The following CACNB3 variants were observed in gnomAD, a reference collection of about 807,000 sequenced individuals.
The protein encoded by CACNB3 is calcium voltage-gated channel auxiliary subunit beta 3.
In CACNB3, 36 loss-of-function variants were observed where a neutral mutation model predicts 63.7. That is an observed-to-expected ratio of 0.57 (90% CI 0.43 to 0.75). The LOEUF (loss-of-function observed/expected upper bound fraction) is 0.75, where lower values mean the gene tolerates loss of function less well. CACNB3 is among the 30% of genes least tolerant of loss of function. The pLI is 0.00. For synonymous variants in CACNB3, 241 were observed against 250.6 expected (o/e 0.96, Z 0.36); for missense variants, 493 against 648.6 (o/e 0.76, Z 2.61).
Position 48,823,889 on chromosome 12 carries a change from A to C in CACNB3, c.291+86A>C. ...CCTAATGCTTCTGACTTGAATCCTCAGTCTAATTCCCCAAGCTAATCAGCT... is the reference window on the plus strand; with the variant it reads ...CCTAATGCTTCTGACTTGAATCCTCCGTCTAATTCCCCAAGCTAATCAGCT... On this transcript the variant is annotated intron_variant, in intron 3 of 12. Coordinates refer to ENST00000301050, the MANE Select transcript of CACNB3 (RefSeq NM_000725.4). This position sits in a 1 kb window ranked among gnomAD's most constrained non-coding sequence, Gnocchi z 4.2. 6.4e-7 allele frequency: 1 copy of C among 1,552,782 alleles called. No homozygotes were observed. Among genetic ancestry groups the C allele is most frequent in the Non-Finnish European group, 8.8e-7 (1 of 1,135,400 alleles).
upstream of CACNB3, chr12:48,814,654 T>G: frequency 1.6e-6 from 2 of 1,227,934 alleles, no homozygotes; most frequent in South Asian, 1.5e-5. This position sits in a 1 kb window ranked among gnomAD's most constrained non-coding sequence, Gnocchi z 6.9. Context: ...ACTGGGGGTC[T>G]CGAGCTGGGA....
chr12:48,825,547 C>A lies in CACNB3; in HGVS notation c.632+55C>A. 6.3e-7 allele frequency: 1 copy of A among 1,597,272 alleles called. No homozygotes were observed. The highest frequency in any genetic ancestry group is 8.6e-7 in the Non-Finnish European group (1 of 1,164,716). On this transcript the variant is annotated intron_variant, in intron 8 of 12. Transcript: ENST00000301050. The surrounding 1 kb of genome is among the most constrained non-coding windows in gnomAD (Gnocchi z 4.5). The stretch of plus-strand genomic sequence containing the variant: ...GAACCAAGGAGAAGCTCATGGCCTA[C>A]TTCCAGATGCCTGTAGCTAGTCTTC...
Position 48,827,991 on chromosome 12 carries a change from GC to G in CACNB3, c.*93del. 1 of 1,112,342 alleles carries G rather than the reference GC, an allele frequency of 9.0e-7. No individual in the cohort carries two copies. Among genetic ancestry groups the G allele is most frequent in the Non-Finnish European group, 1.3e-6 (1 of 766,250 alleles). 68.9% of individuals were successfully genotyped at this position (1,112,342 alleles called of 1,614,324 possible). A position where few individuals can be genotyped will look rare whatever the true frequency, so the allele number is the denominator to read the frequency against. ...GTGGCGTTAGACTGGCATCAGGCTG[GC>G]ACTAGGCTCAGCCCCCAAAACCCCC... On this transcript the variant is annotated 3_prime_UTR_variant, in exon 13 of 13. Transcript: ENST00000301050.
At chr12:48,824,920 T>C in intron 5 of CACNB3, 29 bp from the exon 6 acceptor site, 1 of 1,613,226 alleles carries the variant, frequency 6.2e-7, no homozygotes. Flanking sequence ...CTTCACCAAC[T>C]TTAATCTTGT....
At chr12:48,816,206 G>A (rs1001979338), upstream of CACNB3, among the ~76,000 whole-genome samples, 2 of 152,184 alleles carry the variant, frequency 1.3e-5, no homozygotes, top group Non-Finnish European at 2.9e-5. Flanking sequence ...ACTTAGAGGA[G>A]AAGCTAGAAT....
At position 48,826,231 on chromosome 12, in the gene CACNB3, C is replaced by T; in HGVS notation, c.743-136C>T. The T allele has an allele frequency of 2.4e-6, 2 of 820,812 alleles. No homozygotes were observed. Among genetic ancestry groups the T allele is most frequent in the South Asian group, 1.7e-5 (1 of 60,216 alleles). 50.8% of individuals were successfully genotyped at this position (820,812 alleles called of 1,614,324 possible). A position where few individuals can be genotyped will look rare whatever the true frequency, so the allele number is the denominator to read the frequency against. ...CACCCCTCCTCCTCAATTCCCATTC[C>T]TCTGCCTGTCCAGGCTTCGATGAAT... On this transcript the variant is annotated intron_variant, in intron 9 of 12. Coordinates refer to ENST00000301050, the MANE Select transcript of CACNB3 (RefSeq NM_000725.4). This position sits in a 1 kb window ranked among gnomAD's most constrained non-coding sequence, Gnocchi z 4.8.
At position 48,824,680 on chromosome 12, in the gene CACNB3, AC is replaced by A; in HGVS notation, c.422del (p.Pro141LeufsTer4). ...KQEQKARRSG[N>X]PSSLSDIGNR... ...CCCTTTCTTCTCAGGAGATCTGGGA[AC>A]CCTTCCAGCCTGAGTGACATTGGCA... is the stretch of plus-strand genomic sequence containing the variant. On this transcript the variant is annotated frameshift_variant, in exon 5 of 13. Coordinates refer to ENST00000301050, the MANE Select transcript of CACNB3 (RefSeq NM_000725.4). LOFTEE classifies it high-confidence loss of function. The A allele has an allele frequency of 1.2e-6, 2 of 1,613,364 alleles. No individual in the cohort carries two copies. Among genetic ancestry groups the A allele is most frequent in the Admixed American group, 1.7e-5 (1 of 59,940 alleles).
Position 48,826,912 on chromosome 12 carries a change from G to A in CACNB3, c.990+58G>A. 6.2e-7 allele frequency: 1 copy of A among 1,613,378 alleles called. No homozygotes were observed. On this transcript the variant is annotated intron_variant, in intron 11 of 12. Transcript: ENST00000301050. The surrounding 1 kb of genome is among the most constrained non-coding windows in gnomAD (Gnocchi z 4.8). ...CTCCCCCAGGGCTGCGGCAGTGATA[G>A]AGATGGGTGGGGGGCTGCTACTGAG...
chr12:48,815,247 C>T, upstream of CACNB3: 1 of 213,790 alleles, frequency 4.7e-6, no homozygotes, highest in Non-Finnish European at 9.6e-6. Context: ...TGGAGCTCTT[C>T]CTGCCCTTCT....
Position 48,826,466 on chromosome 12 carries a change from C to T in CACNB3, c.842C>T (p.Ala281Val). Residue 281 changes from alanine to valine, a missense_variant, in exon 10 of 13, where the codon GCC becomes GTC. By Grantham distance (64) the Ala-to-Val change is moderately conservative. Coordinates refer to ENST00000301050, the MANE Select transcript of CACNB3 (RefSeq NM_000725.4). This position sits in a 1 kb window ranked among gnomAD's most constrained non-coding sequence, Gnocchi z 4.8. ...ADTINHPAQLAKTSLAPIIVF... is the reference protein window; with the variant it reads ...ADTINHPAQLVKTSLAPIIVF... ...ACCATCAACCACCCAGCACAGCTGGCCAAGACCTCGCTGGCCCCCATCATC... is the reference window on the plus strand; with the variant it reads ...ACCATCAACCACCCAGCACAGCTGGTCAAGACCTCGCTGGCCCCCATCATC... 1 of 1,614,166 alleles carries T rather than the reference C, an allele frequency of 6.2e-7. No individual in the cohort carries two copies. Among genetic ancestry groups the T allele is most frequent in the South Asian group, 1.1e-5 (1 of 91,086 alleles).
Position 48,827,118 on chromosome 12 carries a change from C to T in CACNB3, c.1135C>T (p.Leu379Phe). The change falls in exon 12 of 13, where the codon CTT (leucine) becomes TTT (phenylalanine). Residue 379 changes from leucine (L) to phenylalanine (F), a missense_variant. Physicochemically the swap from Leu to Phe is conservative, Grantham distance 22 (BLOSUM62 0). Transcript: ENST00000301050. The part of the protein sequence containing the change: ...LLGPPSAIPG[L>F]QNQQLLGERG... ...GGGTCCTCCCAGTGCCATCCCCGGACTTCAGGTAACCATTTCCAGTGGGCA... is the reference window on the plus strand; with the variant it reads ...GGGTCCTCCCAGTGCCATCCCCGGATTTCAGGTAACCATTTCCAGTGGGCA... The T allele has an allele frequency of 6.2e-7, 1 of 1,612,314 alleles. No individual in the cohort carries two copies. Among genetic ancestry groups the T allele is most frequent in the Non-Finnish European group, 8.5e-7 (1 of 1,179,990 alleles).
rs140776243 is a variant in CACNB3 at position 48,826,685 on chromosome 12, C to T, written c.895-74C>T. Reference sequence around the variant, plus strand: ...ACTGATGCCACAAGTGGAAGAAATGCCTAGCTCTGCCCGGGCTCAGCTCTG... The same window carrying T: ...ACTGATGCCACAAGTGGAAGAAATGTCTAGCTCTGCCCGGGCTCAGCTCTG... On this transcript the variant is annotated intron_variant, in intron 10 of 12. Coordinates refer to ENST00000301050, the MANE Select transcript of CACNB3 (RefSeq NM_000725.4). The surrounding 1 kb of genome is among the most constrained non-coding windows in gnomAD (Gnocchi z 4.8). The T allele has an allele frequency of 3.0e-4, 434 of 1,449,282 alleles. 2 individuals are homozygous for T. The African/African-American group carries it at 5.3e-3, about 18-fold the overall frequency. 89.8% of individuals were successfully genotyped at this position (1,449,282 alleles called of 1,614,324 possible).
Position 48,828,459 on chromosome 12 carries a change from T to A in CACNB3, c.*560T>A, listed in dbSNP as rs1050116641. On this transcript the variant is annotated 3_prime_UTR_variant, in exon 13 of 13. Coordinates refer to ENST00000301050, the MANE Select transcript of CACNB3 (RefSeq NM_000725.4). The stretch of plus-strand genomic sequence containing the variant: ...TGTTTGCTGGGGTGTGGCAGCCACA[T>A]CCAAGACTGGAGCAGCAGGCTGGCC... The A allele has an allele frequency of 2.9e-6, 1 of 348,778 alleles. No homozygotes were observed. The highest frequency in any genetic ancestry group is 2.1e-5 in the African/African-American group (1 of 46,596). The allele number at this position is 348,778 out of a possible 1,614,324, so 21.6% of individuals were successfully genotyped here. A position where few individuals can be genotyped will look rare whatever the true frequency, so the allele number is the denominator to read the frequency against.
At position 48,823,910 on chromosome 12, in the gene CACNB3, C is replaced by G. The variant is rs1592188604; in HGVS notation, c.291+107C>G. 5 of 1,427,738 alleles carry G rather than the reference C, an allele frequency of 3.5e-6. No individual in the cohort carries two copies. In the African/African-American group the frequency reaches 7.1e-5, roughly 20 times the overall value. 88.4% of individuals were successfully genotyped at this position (1,427,738 alleles called of 1,614,324 possible). ...CCTCAGTCTAATTCCCCAAGCTAAT[C>G]AGCTCTTCTCCTTAACACACACCTG... On this transcript the variant is annotated intron_variant, in intron 3 of 12. Transcript: ENST00000301050. This position sits in a 1 kb window ranked among gnomAD's most constrained non-coding sequence, Gnocchi z 4.2.
At position 48,826,897 on chromosome 12, in the gene CACNB3, G is replaced by T; in HGVS notation, c.990+43G>T. On this transcript the variant is annotated intron_variant, in intron 11 of 12. Transcript: ENST00000301050. The surrounding 1 kb of genome is among the most constrained non-coding windows in gnomAD (Gnocchi z 4.8). The stretch of plus-strand genomic sequence containing the variant: ...CTGCTCCTGTGCCCACTCCCCCAGG[G>T]CTGCGGCAGTGATAGAGATGGGTGG... The T allele has an allele frequency of 6.2e-7, 1 of 1,611,402 alleles. No individual in the cohort carries two copies. The highest frequency in any genetic ancestry group is 8.5e-7 in the Non-Finnish European group (1 of 1,177,634).
At position 48,823,260 on chromosome 12, in the gene CACNB3, A is replaced by G. The variant is rs2137454668; in HGVS notation, c.46-84A>G. The G allele has an allele frequency of 6.5e-7, 1 of 1,526,916 alleles. No individual in the cohort carries two copies. The highest frequency in any genetic ancestry group is 1.3e-5 in the South Asian group (1 of 79,984). 94.6% of individuals were successfully genotyped at this position (1,526,916 alleles called of 1,614,324 possible). A position where few individuals can be genotyped will look rare whatever the true frequency, so the allele number is the denominator to read the frequency against. On this transcript the variant is annotated intron_variant, in intron 1 of 12. Transcript: ENST00000301050. This position sits in a 1 kb window ranked among gnomAD's most constrained non-coding sequence, Gnocchi z 4.2. ...GAGATGGAGAAACTGGGGGCAATAG[A>G]GGCAACACTGTAAGGTGAGGAGGGT...
At position 48,824,486 on chromosome 12, in the gene CACNB3, C is replaced by T. The variant is rs1938021156; in HGVS notation, c.407+113C>T. The stretch of plus-strand genomic sequence containing the variant: ...CATATCCCCCTGAAATACACATACA[C>T]GTATGCCCAGCTCTACACACTCAAC... On this transcript the variant is annotated intron_variant, in intron 4 of 12. Coordinates refer to ENST00000301050, the MANE Select transcript of CACNB3 (RefSeq NM_000725.4). 17 of 1,077,238 alleles carry T rather than the reference C, an allele frequency of 1.6e-5. 1 individual carries two copies. Among genetic ancestry groups the T allele is most frequent in the South Asian group, 1.2e-4 (8 of 65,924 alleles). The allele number at this position is 1,077,238 out of a possible 1,614,324, so 66.7% of individuals were successfully genotyped here. A position where few individuals can be genotyped will look rare whatever the true frequency, so the allele number is the denominator to read the frequency against.
Position 48,828,002 on chromosome 12 carries a change from A to G in CACNB3, c.*103A>G, listed in dbSNP as rs1026888634. ...CTGGCATCAGGCTGGCACTAGGCTC[A>G]GCCCCCAAAACCCCCTGCCCAGCCC... On this transcript the variant is annotated 3_prime_UTR_variant, in exon 13 of 13. Coordinates refer to ENST00000301050, the MANE Select transcript of CACNB3 (RefSeq NM_000725.4). 2 of 1,017,546 alleles carry G rather than the reference A, an allele frequency of 2.0e-6. No individual in the cohort carries two copies. Among genetic ancestry groups the G allele is most frequent in the Non-Finnish European group, 2.9e-6 (2 of 685,128 alleles). The allele number at this position is 1,017,546 out of a possible 1,614,324, so 63.0% of individuals were successfully genotyped here.
Position 48,818,794 on chromosome 12 carries a change from C to T in CACNB3, c.-136C>T, listed in dbSNP as rs1937668932. 2 of 1,357,004 alleles carry T rather than the reference C, an allele frequency of 1.5e-6. No homozygotes were observed. Among genetic ancestry groups the T allele is most frequent in the South Asian group, 1.8e-5 (1 of 54,298 alleles). 84.1% of individuals were successfully genotyped at this position (1,357,004 alleles called of 1,614,324 possible). On this transcript the variant is annotated 5_prime_UTR_variant, in exon 1 of 13. Transcript: ENST00000301050. The surrounding 1 kb of genome is among the most constrained non-coding windows in gnomAD (Gnocchi z 4.3). ...TTCGCGGCTCGCTCCCTCCTTCGCG[C>T]TCTCTCGCTCCCTGCCGCCGCCCGC...
Sources: gnomAD v4.1 joint callset for allele counts (sites outside exome capture counted in the v4.1 genomes callset) on GRCh38, gnomAD v4.1.1 for gene constraint, Gnocchi (gnomAD v3.1) non-coding constraint, MANE v1.5 for transcripts, NCBI Gene and HGNC (gene_info 2026-07-23, HGNC 2026-07-21) for gene names.